The following RPS6KA2 variants were observed in gnomAD, a reference collection of about 807,000 sequenced individuals.
RPS6KA2 encodes ribosomal protein S6 kinase alpha-2.
In RPS6KA2, 42 loss-of-function variants were observed where a neutral mutation model predicts 91.8. The ratio of observed to expected loss-of-function variants is 0.46; its 90% CI spans 0.36 to 0.59. The LOEUF (loss-of-function observed/expected upper bound fraction) is 0.59, where lower values mean the gene tolerates loss of function less well. Ranked by LOEUF, RPS6KA2 falls within the 20% of genes least tolerant of loss-of-function variation. The pLI is 0.00. For missense variants in RPS6KA2, 798 were observed against 978.5 expected (o/e 0.82, Z 2.46); for synonymous variants, 414 against 393.6 (o/e 1.05, Z -0.61).
At chr6:166,596,742 C>A (rs1393686281) in intron 1 of RPS6KA2, among the ~76,000 whole-genome samples, 1 of 152,210 alleles carries the variant, frequency 6.6e-6, no homozygotes, top group East Asian at 1.9e-4. Flanking sequence ...CCTTAATAAA[C>A]TCCCTTTCAC....
intron 2 of RPS6KA2, among the ~76,000 whole-genome samples, chr6:166,724,065 T>A (rs1790267200): frequency 6.6e-6 from 1 of 152,210 alleles, no homozygotes; most frequent in Non-Finnish European, 1.5e-5. Context: ...GTAAGTATAA[T>A]CTATTTTCAG....
At chr6:166,743,206 C>T (rs991228174) in intron 2 of RPS6KA2, among the ~76,000 whole-genome samples, 25 of 152,058 alleles carry the variant, frequency 1.6e-4, no homozygotes, top group African/African-American at 3.1e-4. Flanking sequence ...CACCAAAACA[C>T]GGTTCACAAA....
chr6:166,505,977 T>C (rs540124425), intron 5 of RPS6KA2, among the ~76,000 whole-genome samples: 2 of 152,258 alleles, frequency 1.3e-5, no homozygotes, highest in African/African-American at 4.8e-5. Context: ...TAGCTCTTAG[T>C]GTAACCCCCA....
chr6:166,567,193 T>C (rs979240115), intron 1 of RPS6KA2, among the ~76,000 whole-genome samples: 1 of 151,924 alleles, frequency 6.6e-6, no homozygotes, highest in Non-Finnish European at 1.5e-5. Context: ...CGGCCATGAG[T>C]CACATCCATG....
chr6:166,673,432 C>T (rs901313159), intron 2 of RPS6KA2, among the ~76,000 whole-genome samples: 3 of 152,166 alleles, frequency 2.0e-5, no homozygotes, highest in Non-Finnish European at 4.4e-5. Context: ...CAACAAGGAC[C>T]CTGGAGGAGA....
At chr6:166,480,265 A>G (rs1011208789) in intron 10 of RPS6KA2, among the ~76,000 whole-genome samples, 18 of 151,746 alleles carry the variant, frequency 1.2e-4, no homozygotes, top group Admixed American at 1.1e-3. Flanking sequence ...AATGGGCTAG[A>G]CCTCCATGAA....
chr6:166,715,249 T>C (rs1342231728), intron 2 of RPS6KA2, among the ~76,000 whole-genome samples: 2 of 152,214 alleles, frequency 1.3e-5, no homozygotes, highest in Non-Finnish European at 2.9e-5. Flanking sequence ...GTGACTCCGC[T>C]GCAGAAGGAG....
intron 2 of RPS6KA2, among the ~76,000 whole-genome samples, chr6:166,672,233 C>T (rs1050213102): frequency 1.3e-5 from 2 of 152,104 alleles, no homozygotes; most frequent in Admixed American, 1.3e-4. Context: ...GAGAACACTA[C>T]GGGGAACAAG....
chr6:166,472,381 GTATA>G (rs1780806193), intron 10 of RPS6KA2, among the ~76,000 whole-genome samples: 6 of 152,170 alleles, frequency 3.9e-5, no homozygotes, highest in Admixed American at 3.9e-4. Context: ...TATGTAACTG[GTATA>G]TGCTGGGTTT....
chr6:166,823,888 T>C (rs1449488744), intron 2 of RPS6KA2, among the ~76,000 whole-genome samples: 1 of 152,216 alleles, frequency 6.6e-6, no homozygotes, highest in Non-Finnish European at 1.5e-5. Flanking sequence ...ATAGAGCTTC[T>C]CTGATACGTG....
In RPS6KA2 at chr6:166,833,649, A is replaced by T. The variant is rs564057697; in HGVS notation, c.123+24551T>A. 2.0e-5 allele frequency among the ~76,000 whole-genome samples: 3 copies of T among 152,308 alleles called. No individual in the cohort carries two copies. The South Asian group carries it at 6.2e-4, about 32-fold the overall frequency. ...TATTTGGGCCTGGCTGCTTTCCTTC[A>T]GACTAATTCTTGTGAGATGTACTTG... On this transcript the variant is annotated intron_variant, in intron 2 of 21. Coordinates refer to the RPS6KA2 transcript ENST00000503859.
chr6:166,643,805 A>G (rs982506349), intron 2 of RPS6KA2, among the ~76,000 whole-genome samples: 1 of 152,236 alleles, frequency 6.6e-6, no homozygotes, highest in African/African-American at 2.4e-5. Context: ...GCCCTGGCAG[A>G]TGCTCTTAAG....
chr6:166,822,095 C>T, intron 2 of RPS6KA2, among the ~76,000 whole-genome samples: 1 of 152,202 alleles, frequency 6.6e-6, no homozygotes, highest in East Asian at 1.9e-4. Context: ...TGCTCCTCCC[C>T]CCTGCCCTGT....
At chr6:166,636,401 G>A (rs1787243467) in intron 2 of RPS6KA2, among the ~76,000 whole-genome samples, 4 of 152,162 alleles carry the variant, frequency 2.6e-5, no homozygotes, top group Admixed American at 1.3e-4. Flanking sequence ...CCTCCCTGCA[G>A]AGGCCTTTCT....
chr6:166,650,899 G>T (rs1436726956), intron 2 of RPS6KA2, among the ~76,000 whole-genome samples: 1 of 152,174 alleles, frequency 6.6e-6, no homozygotes, highest in Non-Finnish European at 1.5e-5. Flanking sequence ...GCTCAAGGTG[G>T]TTGGGTTTAA....
At chr6:166,748,566 AGGCCCCCACCTCCTCG>A (rs1480332232) in intron 2 of RPS6KA2, among the ~76,000 whole-genome samples, 1 of 29,888 alleles carries the variant, frequency 3.3e-5, no homozygotes, top group Admixed American at 3.6e-4. Flanking sequence ...CCACCTCCTC[AGGCCCCCACCTCCTCG>A]GGCCCCCATT....
intron 2 of RPS6KA2, among the ~76,000 whole-genome samples, chr6:166,775,397 G>C (rs1778587677): frequency 6.6e-6 from 1 of 152,042 alleles, no homozygotes; most frequent in African/African-American, 2.4e-5. Context: ...CAGCAAGTGA[G>C]AACACTCCGA....
intron 2 of RPS6KA2, among the ~76,000 whole-genome samples, chr6:166,740,182 A>C (rs1790771940): frequency 6.6e-6 from 1 of 152,228 alleles, no homozygotes; most frequent in African/African-American, 2.4e-5. Context: ...CACCAGAGAC[A>C]CCTACCTTGT....
chr6:166,551,215 T>G (rs1469814311), intron 1 of RPS6KA2, among the ~76,000 whole-genome samples: 2 of 152,178 alleles, frequency 1.3e-5, no homozygotes, highest in African/African-American at 4.8e-5. Flanking sequence ...GGACTGATGC[T>G]CCCCTAATCT....
Sources: allele counts gnomAD v4.1 joint callset (sites outside exome capture counted in the v4.1 genomes callset), GRCh38; gene constraint gnomAD v4.1.1; transcripts MANE v1.5; gene names NCBI Gene and HGNC (gene_info 2026-07-23, HGNC 2026-07-21).